The following GLCE variants were observed in gnomAD, a reference collection of about 807,000 sequenced individuals.
The protein encoded by GLCE is glucuronic acid epimerase.
A neutral mutation model predicts 47.9 loss-of-function variants in GLCE; 19 were observed. The observed-to-expected ratio is 0.40, with a 90% CI of 0.28 to 0.58. GLCE has a LOEUF of 0.58. Ranked by LOEUF, GLCE falls within the 20% of genes least tolerant of loss-of-function variation. GLCE has a pLI of 0.48. For missense variants in GLCE, 556 were observed against 743.3 expected (o/e 0.75, Z 2.93); for synonymous variants, 245 against 263.4 (o/e 0.93, Z 0.68).
intron 1 of GLCE, among the ~76,000 whole-genome samples, chr15:69,168,012 T>C (rs1415712537): frequency 6.6e-6 from 1 of 152,150 alleles, no homozygotes. Context: ...ACTGGTCACC[T>C]TGTTTAAAAT....
chr15:69,263,511 G>A (rs1466976719), intron 4 of GLCE, among the ~76,000 whole-genome samples: 1 of 151,758 alleles, frequency 6.6e-6, no homozygotes, highest in Non-Finnish European at 1.5e-5. Context: ...TATAATATGG[G>A]TCTGCAGCAT....
At chr15:69,162,475 C>T (rs1348900026) in intron 1 of GLCE, among the ~76,000 whole-genome samples, 3 of 151,450 alleles carry the variant, frequency 2.0e-5, no homozygotes, top group African/African-American at 7.3e-5. Flanking sequence ...CTGGGGTTAA[C>T]AGACAAATTT....
At chr15:69,234,353 G>A (rs1239498617) in intron 2 of GLCE, among the ~76,000 whole-genome samples, 1 of 151,994 alleles carries the variant, frequency 6.6e-6, no homozygotes, top group African/African-American at 2.4e-5. Flanking sequence ...AGGTGGGGAT[G>A]CCGCCCCATA....
chr15:69,221,547 T>A (rs2140389833), intron 2 of GLCE, among the ~76,000 whole-genome samples: 1 of 143,226 alleles, frequency 7.0e-6, no homozygotes, highest in Admixed American at 7.6e-5. Context: ...TGTTCATTGT[T>A]ATTATATAGA....
intron 1 of GLCE, among the ~76,000 whole-genome samples, chr15:69,170,060 A>G (rs1218153795): frequency 6.6e-6 from 1 of 152,202 alleles, no homozygotes; most frequent in Middle Eastern, 3.2e-3. Flanking sequence ...AGGAATAAAA[A>G]CATTAAGTCA....
chr15:69,179,730 A>T (rs188812938), intron 1 of GLCE, among the ~76,000 whole-genome samples: 9 of 152,332 alleles, frequency 5.9e-5, no homozygotes, highest in African/African-American at 1.9e-4. Flanking sequence ...CATGCCTGCA[A>T]TCCCAGCACT....
In GLCE at chr15:69,214,183, A is replaced by G. The variant is rs529958286; in HGVS notation, c.-14+3777A>G. Among the ~76,000 whole-genome samples the G allele has an allele frequency of 2.2e-4, 34 of 152,180 alleles. 1 individual carries two copies. In the South Asian group the frequency reaches 6.4e-3, roughly 29 times the overall value. ...CAGCATCTGGGTGCTAGGTATGTTC[A>G]TTGCTACCGAGGAGTTACTGCTTTT... On this transcript the variant is annotated intron_variant, in intron 2 of 4. Coordinates refer to ENST00000261858, the MANE Select transcript of GLCE (RefSeq NM_015554.3).
At chr15:69,239,203 GA>G (rs2052632751) in intron 2 of GLCE, among the ~76,000 whole-genome samples, 1 of 144,126 alleles carries the variant, frequency 6.9e-6, no homozygotes, top group African/African-American at 2.5e-5. Flanking sequence ...GGAAATGTGT[GA>G]AGCTTGAGGA....
At chr15:69,231,286 ATT>A (rs67017442) in intron 2 of GLCE, among the ~76,000 whole-genome samples, 11 of 139,642 alleles carry the variant, frequency 7.9e-5, no homozygotes, top group Admixed American at 1.4e-4. Flanking sequence ...TTGTCCAGTC[ATT>A]TTTTTTTTTT....
In GLCE at chr15:69,234,457, A is replaced by G. The variant is rs568092112; in HGVS notation, c.-13-21337A>G. On this transcript the variant is annotated intron_variant, in intron 2 of 4. Transcript: ENST00000261858. ...AGGTTTTACCTTTGTAAATAATCCT[A>G]GTGCCAAGATTTTAGGTTATTTATA... is the stretch of plus-strand genomic sequence containing the variant. Among the ~76,000 whole-genome samples the G allele has an allele frequency of 8.5e-5, 13 of 152,282 alleles. No homozygotes were observed. In the South Asian group the frequency reaches 2.5e-3, roughly 29 times the overall value.
intron 2 of GLCE, among the ~76,000 whole-genome samples, chr15:69,250,408 C>T (rs1311026032): frequency 6.6e-6 from 1 of 152,146 alleles, no homozygotes; most frequent in East Asian, 1.9e-4. Flanking sequence ...TGAAAAAAAC[C>T]CGTGCCCATT....
rs1012066479 is a variant in GLCE, at chr15:69,208,309, G to A, written c.-104-2007G>A. ...TACATTTAAGTTTGAGTGAATTTTT[G>A]TATAACATGAGGGTTTAGGTGAAAT... On this transcript the variant is annotated intron_variant, in intron 1 of 4. Transcript: ENST00000261858. Among the ~76,000 whole-genome samples, 4 of 152,030 alleles carry A rather than the reference G, an allele frequency of 2.6e-5. No homozygotes were observed. In the South Asian group the frequency reaches 8.3e-4, roughly 32 times the overall value.
At chr15:69,263,672 C>T (rs1245931795) in intron 4 of GLCE, among the ~76,000 whole-genome samples, 1 of 152,148 alleles carries the variant, frequency 6.6e-6, no homozygotes, top group Non-Finnish European at 1.5e-5. Context: ...TCCATGACCT[C>T]ACTTTCTCCT....
In GLCE at chr15:69,192,158, T is replaced by C. The variant is rs374095919; in HGVS notation, c.-104-18158T>C. Among the ~76,000 whole-genome samples the C allele has an allele frequency of 1.4e-4, 21 of 152,226 alleles. No individual in the cohort carries two copies. The South Asian group carries it at 3.7e-3, about 27-fold the overall frequency. ...TTTTTTCCAATATTGCCCTACTCTTTTTGTTTTCATGCTTTCATTATGGTT... is the reference window on the plus strand; with the variant it reads ...TTTTTTCCAATATTGCCCTACTCTTCTTGTTTTCATGCTTTCATTATGGTT... On this transcript the variant is annotated intron_variant, in intron 1 of 4. Coordinates refer to ENST00000261858, the MANE Select transcript of GLCE (RefSeq NM_015554.3).
intron 2 of GLCE, among the ~76,000 whole-genome samples, chr15:69,251,458 A>G (rs903000796): frequency 6.6e-6 from 1 of 152,212 alleles, no homozygotes; most frequent in African/African-American, 2.4e-5. Context: ...GCAAACGTAT[A>G]CCTGCATTTA....
chr15:69,263,592 C>T (rs2053043873), intron 4 of GLCE, among the ~76,000 whole-genome samples: 2 of 152,012 alleles, frequency 1.3e-5, no homozygotes, highest in Non-Finnish European at 1.5e-5. Context: ...TGAATTGAAA[C>T]TTTAGGCCTG....
intron 2 of GLCE, among the ~76,000 whole-genome samples, chr15:69,252,720 C>T (rs1160786707): frequency 6.6e-6 from 1 of 151,798 alleles, no homozygotes; most frequent in African/African-American, 2.4e-5. Flanking sequence ...AAATGTAAGG[C>T]GTAGCTGACA....
At chr15:69,220,208 G>A (rs906525351) in intron 2 of GLCE, among the ~76,000 whole-genome samples, 9 of 152,072 alleles carry the variant, frequency 5.9e-5, no homozygotes, top group Admixed American at 5.2e-4. Flanking sequence ...TTGAGAGCCT[G>A]TTTTAAGTTC....
chr15:69,216,326 A>G (rs80179165), intron 2 of GLCE, among the ~76,000 whole-genome samples: 1,583 of 152,286 alleles, frequency 0.01, 23 homozygotes, highest in African/African-American at 0.032. Context: ...ATACTGTCTT[A>G]GGATATCTGT....
Sources: gnomAD v4.1 joint callset for allele counts (sites outside exome capture counted in the v4.1 genomes callset) on GRCh38, gnomAD v4.1.1 for gene constraint, MANE v1.5 for transcripts, NCBI Gene and HGNC (gene_info 2026-07-23, HGNC 2026-07-21) for gene names.